MCM5: variants seen among roughly 807,000 people sequenced by gnomAD.
The protein encoded by MCM5 is minichromosome maintenance complex component 5, also known as DNA replication licensing factor MCM5.
A neutral mutation model predicts 79.9 loss-of-function variants in MCM5; 46 were observed. That is an observed-to-expected ratio of 0.58 (90% CI 0.45 to 0.74). The LOEUF (loss-of-function observed/expected upper bound fraction) is 0.74, where lower values mean the gene tolerates loss of function less well. Ranked by LOEUF, MCM5 falls within the 30% of genes least tolerant of loss-of-function variation. MCM5 has a pLI of 0.00. For missense variants in MCM5, 883 were observed against 1,017.0 expected, an observed-to-expected ratio of 0.87 and a Z score of 1.79; for synonymous variants, 404 against 390.5, an observed-to-expected ratio of 1.03 and a Z score of -0.41.
the MCM5 span, among the ~76,000 whole-genome samples, chr22:35,440,239 G>C: frequency 6.6e-6 from 1 of 152,242 alleles, no homozygotes; most frequent in East Asian, 1.9e-4. Context: ...CAGGGACTTG[G>C]CTTAGAGAAA....
At chr22:35,405,665 C>G (rs958813378) in intron 4 of MCM5, among the ~76,000 whole-genome samples, 6 of 152,090 alleles carry the variant, frequency 3.9e-5, no homozygotes, top group African/African-American at 1.4e-4. Flanking sequence ...CTGCACCCAG[C>G]CTTTGAAGAG....
chr22:35,400,310 A>G lies in MCM5; in HGVS notation c.-9+102A>G. On this transcript the variant is annotated intron_variant, in intron 1 of 16. Coordinates refer to ENST00000216122, the MANE Select transcript of MCM5 (RefSeq NM_006739.4). ...GGAGTTTCTCGGGAACTGGGGTTGG[A>G]GTCCGGGAGCGCGGCCGGGGGTCCC... is the stretch of plus-strand genomic sequence containing the variant. 11 of 1,041,324 alleles carry G rather than the reference A, an allele frequency of 1.1e-5. No individual in the cohort carries two copies. In the Middle Eastern group the frequency reaches 1.3e-3, roughly 127 times the overall value. 64.5% of individuals were successfully genotyped at this position (1,041,324 alleles called of 1,614,324 possible).
In MCM5 at chr22:35,412,576, C is replaced by G. The variant is rs1932415772; in HGVS notation, c.986C>G (p.Pro329Arg). ...GAGTTCCGTCGCCTGGCTGCCCTCC[C>G]AAATGTCTATGAGGTCATCTCCAAG... ...EEEFRRLAAL[P>R]NVYEVISKSI... Residue 329 changes from proline (P) to arginine (R), a missense_variant, in exon 8 of 17, where the codon CCA (proline) becomes CGA (arginine). Coordinates refer to ENST00000216122, the MANE Select transcript of MCM5 (RefSeq NM_006739.4). 6.3e-7 allele frequency: 1 copy of G among 1,584,176 alleles called. No homozygotes were observed. Among genetic ancestry groups the G allele is most frequent in the South Asian group, 1.1e-5 (1 of 87,320 alleles).
chr22:35,439,180 C>T, the MCM5 span, among the ~76,000 whole-genome samples: 12 of 151,732 alleles, frequency 7.9e-5, no homozygotes, highest in East Asian at 3.9e-4. Context: ...TCCACTCACC[C>T]GCCCATCCAC....
At chr22:35,445,780 G>A in the MCM5 span, among the ~76,000 whole-genome samples, 2 of 152,072 alleles carry the variant, frequency 1.3e-5, no homozygotes, top group Non-Finnish European at 2.9e-5. Flanking sequence ...AAAAGTGCTG[G>A]GATTACAGGC....
In MCM5 at chr22:35,413,968, G is replaced by A. The variant is rs1360444726; in HGVS notation, c.1185G>A (p.Glu395=). Residue 395 remains glutamate, a synonymous_variant, in exon 9 of 17, where the codon GAG becomes GAA. Coordinates refer to ENST00000216122, the MANE Select transcript of MCM5 (RefSeq NM_006739.4). The part of the protein sequence containing the change: ...TAKSQLLKFV[E]KCSPIGVYTS... ...AGTCCCAGCTTCTGAAGTTTGTGGA[G>A]AAGTGTTCTCCCATTGGGGTGAGTG... 1 of 1,613,894 alleles carries A rather than the reference G, an allele frequency of 6.2e-7. No individual in the cohort carries two copies. Among genetic ancestry groups the A allele is most frequent in the South Asian group, 1.1e-5 (1 of 91,084 alleles).
At chr22:35,437,136 C>G in the MCM5 span, among the ~76,000 whole-genome samples, 6 of 152,230 alleles carry the variant, frequency 3.9e-5, no homozygotes, top group East Asian at 9.6e-4. Context: ...CTCCCCTCCC[C>G]CTTACAGGAA....
Position 35,424,156 on chromosome 22 carries a change from A to G in MCM5, c.2106A>G (p.Lys702=), listed in dbSNP as rs1013946952. Residue 702 remains lysine (K), a splice_region_variant and synonymous_variant, in exon 17 of 17, where the codon AAA becomes AAG. Transcript: ENST00000216122. ...TAGCCAGCCATGTGCTCCCACAGAA[A>G]TACCCGGAGCACGCCATCCACAAGG... ...HSIIKDFTKQ[K]YPEHAIHKVL... is the part of the protein sequence containing the mutation. 6.5e-7 allele frequency: 1 copy of G among 1,548,954 alleles called. No homozygotes were observed. Among genetic ancestry groups the G allele is most frequent in the South Asian group, 1.2e-5 (1 of 83,778 alleles).
rs370921899 is a variant in MCM5 at position 35,415,876 on chromosome 22, G to C, written c.1251G>C (p.Ser417=). ...GCAGCGCAGCTGGACTGACAGCCTC[G>C]GTGATGAGGGACCCTTCGTCCCGGA... ...KGSSAAGLTA[S]VMRDPSSRNF... The change falls in exon 10 of 17, where the codon TCG becomes TCC. Residue 417 remains serine, a synonymous_variant. Transcript: ENST00000216122. The C allele has an allele frequency of 1.4e-5, 22 of 1,613,904 alleles. No individual in the cohort carries two copies. In the African/African-American group the frequency reaches 1.6e-4, roughly 12 times the overall value.
At chr22:35,412,452 G>A in intron 7 of MCM5, 58 bp from the exon 8 acceptor site, 1 of 1,381,854 alleles carries the variant, frequency 7.2e-7, no homozygotes, top group Non-Finnish European at 9.5e-7. Flanking sequence ...TGCCAGGATG[G>A]GCAGTGGGCT....
intron 16 of MCM5, chr22:35,423,953 C>T (rs1033383168): frequency 1.9e-6 from 1 of 538,232 alleles, no homozygotes; most frequent in Non-Finnish European, 3.3e-6. Context: ...CCAGCTCTAC[C>T]TCTTAATTGC....
In MCM5 at chr22:35,406,620, A is replaced by G. The variant is rs1302606002; in HGVS notation, c.491A>G (p.Lys164Arg). 3.7e-6 allele frequency: 6 copies of G among 1,613,292 alleles called. No individual in the cohort carries two copies. The highest frequency in any genetic ancestry group is 4.2e-6 in the Non-Finnish European group (5 of 1,180,034). The change falls in exon 5 of 17, where the codon AAG becomes AGG. Residue 164 changes from lysine to arginine, a missense_variant. Transcript: ENST00000216122. ...IIIAASAVRAKATRISIQCRS... is the reference protein window; with the variant it reads ...IIIAASAVRARATRISIQCRS... ...ATCGCGGCCTCTGCGGTCCGTGCCA[A>G]GGCCACCCGCATCTCTATCCAGTGC...
rs866930913 is a variant in MCM5, at chr22:35,401,583, A to C, written c.167+978A>C. On this transcript the variant is annotated intron_variant, in intron 2 of 16. Coordinates refer to ENST00000216122, the MANE Select transcript of MCM5 (RefSeq NM_006739.4). ...TTCAGCACTGGCCCATTATTAGCTG[A>C]GTGACTTCCAGGTGTCAGTGTCTCT... 3.3e-4 allele frequency: 157 copies of C among 470,600 alleles called. 2 individuals are homozygous for C. The Middle Eastern group carries it at 9.7e-3, about 29-fold the overall frequency. The allele number at this position is 470,600 out of a possible 1,614,324, so 29.2% of individuals were successfully genotyped here. A position where few individuals can be genotyped will look rare whatever the true frequency, so the allele number is the denominator to read the frequency against.
At chr22:35,409,983 G>A (rs1251677741) in intron 6 of MCM5, 1 of 152,428 alleles carries the variant, frequency 6.6e-6, no homozygotes, top group Non-Finnish European at 1.5e-5. Context: ...CTTACGAAGT[G>A]GGTATGGGAA....
intron 7 of MCM5, chr22:35,411,194 C>A: frequency 3.8e-6 from 1 of 263,422 alleles, no homozygotes; most frequent in Non-Finnish European, 7.3e-6. Flanking sequence ...ACTTCTGTGA[C>A]AGGAAATACA....
intron 9 of MCM5, among the ~76,000 whole-genome samples, chr22:35,415,592 G>A (rs1412524963): frequency 6.6e-6 from 1 of 152,248 alleles, no homozygotes; most frequent in Non-Finnish European, 1.5e-5. Context: ...TGAGGCTTAG[G>A]TGAGCCATGG....
At chr22:35,427,557 T>A (rs939091384), downstream of MCM5, among the ~76,000 whole-genome samples, 70 of 152,194 alleles carry the variant, frequency 4.6e-4, no homozygotes, top group African/African-American at 1.6e-3. Context: ...TTCCCTTTTT[T>A]AATTTATTAT....
intron 7 of MCM5, 110 bp downstream of exon 7, chr22:35,411,020 T>G (rs1312569545): frequency 2.1e-6 from 2 of 955,662 alleles, no homozygotes; most frequent in East Asian, 5.2e-5. Context: ...GTCCTTGTGT[T>G]GCTCATATCA....
At chr22:35,417,228 C>T (rs924713716) in intron 12 of MCM5, among the ~76,000 whole-genome samples, 4 of 152,162 alleles carry the variant, frequency 2.6e-5, no homozygotes, top group Admixed American at 2.6e-4. Context: ...GATTCTCAAA[C>T]AACTGTCTCT....
Sources: allele counts gnomAD v4.1 joint callset (sites outside exome capture counted in the v4.1 genomes callset), GRCh38; gene constraint gnomAD v4.1.1; transcripts MANE v1.5; gene names NCBI Gene and HGNC (gene_info 2026-07-23, HGNC 2026-07-21).